Variants in MED27 observed in about 807,000 individuals in gnomAD.
MED27 encodes the protein mediator complex subunit 27.
A neutral mutation model predicts 38.2 loss-of-function variants in MED27; 30 were observed. The observed-to-expected ratio is 0.79, with a 90% CI of 0.59 to 1.07. The LOEUF (loss-of-function observed/expected upper bound fraction) is 1.07, where lower values mean the gene tolerates loss of function less well. Among genes scored for constraint, MED27 ranks in the 50% least tolerant of loss-of-function variants. The pLI is 0.00. For missense variants in MED27, 289 were observed against 397.5 expected (o/e 0.73, Z 2.32); for synonymous variants, 122 against 153.5 (o/e 0.79, Z 1.52).
At chr9:132,058,087 C>T (rs1353821231) in intron 2 of MED27, among the ~76,000 whole-genome samples, 3 of 152,118 alleles carry the variant, frequency 2.0e-5, no homozygotes, top group Admixed American at 6.5e-5. Context: ...GGCTTGGCCA[C>T]CACTTTTAAA....
intron 4 of MED27, among the ~76,000 whole-genome samples, chr9:131,927,538 T>C (rs1445225849): frequency 6.6e-6 from 1 of 152,172 alleles, no homozygotes; most frequent in African/African-American, 2.4e-5. Context: ...TTGTCCTTCC[T>C]CCCCTCCTCT....
At chr9:131,965,309 G>C (rs1284821028) in intron 3 of MED27, among the ~76,000 whole-genome samples, 3 of 152,166 alleles carry the variant, frequency 2.0e-5, no homozygotes, top group Non-Finnish European at 2.9e-5. Context: ...TCTAGCGCGA[G>C]GCCATGGCAT....
intron 2 of MED27, among the ~76,000 whole-genome samples, chr9:132,064,294 G>A (rs917749504): frequency 3.3e-5 from 5 of 152,264 alleles, no homozygotes; most frequent in Admixed American, 6.5e-5. Flanking sequence ...AGGGAATAAG[G>A]CCGGTCTCAT....
intron 3 of MED27, among the ~76,000 whole-genome samples, chr9:131,972,268 C>G (rs1389837201): frequency 1.3e-5 from 2 of 152,012 alleles, no homozygotes; most frequent in African/African-American, 4.8e-5. Context: ...GGAGCAAGTC[C>G]CCAATACAAA....
chr9:132,058,694 A>G (rs1157187482), intron 2 of MED27, among the ~76,000 whole-genome samples: 1 of 152,224 alleles, frequency 6.6e-6, no homozygotes, highest in African/African-American at 2.4e-5. Context: ...ACTCCTATAG[A>G]AGGTCACGTG....
In MED27 at chr9:132,013,191, C is replaced by T. The variant is rs554564303; in HGVS notation, c.479+1146G>A. On this transcript the variant is annotated intron_variant, in intron 3 of 7. Transcript: ENST00000292035. ...ACTAGGGCTTCTAATACAAAAGAAC[C>T]CAACAGGTTGAACGAACCAAGTGGA... Among the ~76,000 whole-genome samples the T allele has an allele frequency of 3.9e-5, 6 of 152,218 alleles. No homozygotes were observed. The South Asian group carries it at 1.0e-3, about 26-fold the overall frequency.
chr9:131,965,700 G>A (rs1169993804), intron 3 of MED27, among the ~76,000 whole-genome samples: 2 of 152,054 alleles, frequency 1.3e-5, no homozygotes, highest in Admixed American at 6.5e-5. Context: ...TCTACATGTC[G>A]ATTAAAGTCC....
chr9:131,988,324 A>C (rs893869050), intron 3 of MED27, among the ~76,000 whole-genome samples: 4 of 151,614 alleles, frequency 2.6e-5, no homozygotes, highest in African/African-American at 9.7e-5. Context: ...TTGAAAAAAT[A>C]AAAAAAAAGA....
intron 4 of MED27, among the ~76,000 whole-genome samples, chr9:131,898,671 C>T (rs879303894): frequency 2.0e-5 from 3 of 151,900 alleles, no homozygotes; most frequent in Admixed American, 2.0e-4. Context: ...AGTGCAACCT[C>T]CCTTCAAAGT....
intron 2 of MED27, among the ~76,000 whole-genome samples, chr9:132,017,323 C>T (rs1832626773): frequency 6.6e-6 from 1 of 152,156 alleles, no homozygotes; most frequent in Admixed American, 6.5e-5. Flanking sequence ...CAGAGTGAAT[C>T]TACAAATTAA....
Position 132,051,506 on chromosome 9 carries a change from T to C in MED27, c.348+25936A>G, listed in dbSNP as rs757486821. Among the ~76,000 whole-genome samples the C allele has an allele frequency of 3.9e-5, 6 of 152,112 alleles. No individual in the cohort carries two copies. The highest frequency in any genetic ancestry group is 7.4e-5 in the Non-Finnish European group (5 of 68,014). On this transcript the variant is annotated intron_variant, in intron 2 of 7. Transcript: ENST00000292035. This position sits in a 1 kb window ranked among gnomAD's most constrained non-coding sequence, Gnocchi z 4.2. Reference sequence around the variant, plus strand: ...CCCTATCCCATCCCCTGCCCCTCCTTAGCTAGACATAAAGACTGTGGAAAT... The same window carrying C: ...CCCTATCCCATCCCCTGCCCCTCCTCAGCTAGACATAAAGACTGTGGAAAT...
chr9:132,073,806 C>A, intron 2 of MED27: 1 of 1,475,086 alleles, frequency 6.8e-7, no homozygotes, highest in Non-Finnish European at 8.9e-7. Flanking sequence ...TCGCTCTGGG[C>A]CCATTTCCCA....
intron 2 of MED27, 38 bp downstream of exon 2, chr9:132,077,404 T>A: frequency 6.3e-7 from 1 of 1,590,190 alleles, no homozygotes; most frequent in Non-Finnish European, 8.5e-7. Flanking sequence ...AAAACTTGGT[T>A]TTCCATATAT....
chr9:132,039,918 C>G (rs1833170842), intron 2 of MED27, among the ~76,000 whole-genome samples: 1 of 152,220 alleles, frequency 6.6e-6, no homozygotes, highest in South Asian at 2.1e-4. Context: ...TCTGCTAATT[C>G]TGAAATTTCA....
chr9:132,069,846 G>A (rs1049261344), intron 2 of MED27, among the ~76,000 whole-genome samples: 1 of 152,228 alleles, frequency 6.6e-6, no homozygotes. Flanking sequence ...TAGCAGGACA[G>A]TGGAAGGCCG....
At chr9:131,981,882 T>C (rs1046502678) in intron 3 of MED27, among the ~76,000 whole-genome samples, 2 of 152,152 alleles carry the variant, frequency 1.3e-5, no homozygotes, top group African/African-American at 4.8e-5. Flanking sequence ...CTACTTTATT[T>C]TGAAGTGGTA....
At chr9:131,904,811 T>TAACC (rs1318002381) in intron 4 of MED27, among the ~76,000 whole-genome samples, 32 of 152,346 alleles carry the variant, frequency 2.1e-4, no homozygotes, top group Non-Finnish European at 3.7e-4. Context: ...ATATCCTGGT[T>TAACC]GGAGGGGAAT....
intron 4 of MED27, among the ~76,000 whole-genome samples, chr9:131,916,340 TA>T (rs1332872246): frequency 1.3e-5 from 2 of 152,246 alleles, no homozygotes; most frequent in African/African-American, 4.8e-5. Flanking sequence ...TTGCTATGTA[TA>T]AATTTGAATC....
chr9:132,014,136 G>T (rs924484300), intron 3 of MED27, among the ~76,000 whole-genome samples: 1 of 151,980 alleles, frequency 6.6e-6, no homozygotes, highest in African/African-American at 2.4e-5. Context: ...AACTCGAGGG[G>T]GTGGGGGAGG....
Sources: allele counts gnomAD v4.1 joint callset (sites outside exome capture counted in the v4.1 genomes callset), GRCh38; gene constraint gnomAD v4.1.1; non-coding constraint Gnocchi (gnomAD v3.1); transcripts MANE v1.5; gene names NCBI Gene and HGNC (gene_info 2026-07-23, HGNC 2026-07-21).